SGCB: variants seen among roughly 807,000 people sequenced by gnomAD.
SGCB encodes sarcoglycan beta.
SGCB carries 25 observed loss-of-function variants against 27.3 expected under a neutral mutation model. The ratio of observed to expected loss-of-function variants is 0.92; its 90% CI spans 0.67 to 1.28. SGCB has a LOEUF of 1.28. SGCB is among the 50% of genes most tolerant of loss of function. SGCB has a pLI of 0.00. For missense variants in SGCB, 436 were observed against 402.1 expected, an observed-to-expected ratio of 1.08 and a Z score of -0.72; for synonymous variants, 147 against 133.5, an observed-to-expected ratio of 1.10 and a Z score of -0.70.
intron 1 of SGCB, among the ~76,000 whole-genome samples, chr4:52,037,702 T>C (rs1737432429): frequency 6.6e-6 from 1 of 152,224 alleles, no homozygotes; most frequent in South Asian, 2.1e-4. Flanking sequence ...GAGATAGTTT[T>C]AGACTGGTGA....
intron 2 of SGCB, among the ~76,000 whole-genome samples, chr4:52,032,944 C>T (rs1165279381): frequency 6.6e-6 from 1 of 152,202 alleles, no homozygotes; most frequent in African/African-American, 2.4e-5. Flanking sequence ...TTCTTGCATC[C>T]TTTGACAACG....
intron 3 of SGCB, 68 bp from the exon 4 acceptor site, chr4:52,028,989 A>G (rs367907504): frequency 1.4e-5 from 17 of 1,197,344 alleles, no homozygotes; most frequent in Middle Eastern, 2.5e-4. Context: ...CCTGAACAAT[A>G]TATTTTAAAA....
At chr4:52,032,651 C>T (rs969504120) in intron 2 of SGCB, among the ~76,000 whole-genome samples, 2 of 152,102 alleles carry the variant, frequency 1.3e-5, no homozygotes, top group Non-Finnish European at 2.9e-5. Flanking sequence ...GTGCTTTGGA[C>T]ATACATAAAT....
At chr4:52,029,580 A>G (rs2109371694) in intron 3 of SGCB, 98 bp downstream of exon 3, 1 of 746,068 alleles carries the variant, frequency 1.3e-6, no homozygotes, top group Admixed American at 2.0e-5. Context: ...TTCTAAGGGA[A>G]AATATCTCTT....
intron 1 of SGCB, among the ~76,000 whole-genome samples, chr4:52,034,498 C>T (rs1193140845): frequency 1.3e-5 from 2 of 151,200 alleles, no homozygotes; most frequent in African/African-American, 4.9e-5. Context: ...AAGTAATCTG[C>T]AGATGGATTT....
intron 4 of SGCB, 124 bp from the exon 5 acceptor site, chr4:52,028,223 T>C (rs1255870944): frequency 2.7e-6 from 2 of 743,450 alleles, no homozygotes; most frequent in East Asian, 5.4e-5. Context: ...ATTAATGTTT[T>C]AGAGATGTGG....
In SGCB at chr4:52,024,039, T is replaced by C; in HGVS notation, c.875A>G (p.Asp292Gly). Residue 292 changes from aspartate to glycine, a missense_variant, in exon 6 of 6, where the codon GAT (aspartate) becomes GGT (glycine). By Grantham distance (94) the Asp-to-Gly change is moderately conservative. Coordinates refer to ENST00000381431, the MANE Select transcript of SGCB (RefSeq NM_000232.5). ...TACTTGCACCTTGAAGAGCGTCCCA[T>C]CAGCACACATGCAGAGCTTGTAGCG... ...WVRYKLCMCA[D>G]GTLFKVQVTS... The C allele has an allele frequency of 6.2e-7, 1 of 1,614,178 alleles. No individual in the cohort carries two copies. The highest frequency in any genetic ancestry group is 8.5e-7 in the Non-Finnish European group (1 of 1,180,030).
chr4:52,028,665 T>C, intron 4 of SGCB, 65 bp downstream of exon 4: 1 of 1,251,476 alleles, frequency 8.0e-7, no homozygotes, highest in Non-Finnish European at 1.2e-6. Context: ...TATAACTCTC[T>C]TCCCACTTTA....
chr4:52,030,307 A>G (rs1229236886), intron 2 of SGCB, among the ~76,000 whole-genome samples: 2 of 152,008 alleles, frequency 1.3e-5, no homozygotes, highest in African/African-American at 4.8e-5. Flanking sequence ...TTAATTTTCT[A>G]TTTTAGCAGA....
chr4:52,028,206 T>A lies in SGCB; in HGVS notation c.622-107A>T, dbSNP rs1737153193. ...TCAGTCATGAGAGATGAAAGTCAAA[T>A]GTTTCTATTAATGTTTTAGAGATGT... is the stretch of plus-strand genomic sequence containing the variant. On this transcript the variant is annotated intron_variant, in intron 4 of 5. Transcript: ENST00000381431. 6 of 850,560 alleles carry A rather than the reference T, an allele frequency of 7.1e-6. No homozygotes were observed. The East Asian group carries it at 1.6e-4, about 22-fold the overall frequency. 52.7% of individuals were successfully genotyped at this position (850,560 alleles called of 1,614,324 possible). A position where few individuals can be genotyped will look rare whatever the true frequency, so the allele number is the denominator to read the frequency against.
chr4:52,035,235 T>C (rs1373993684), intron 1 of SGCB, among the ~76,000 whole-genome samples: 1 of 152,212 alleles, frequency 6.6e-6, no homozygotes, highest in African/African-American at 2.4e-5. Flanking sequence ...ATTCCATAGA[T>C]AGGAATACAA....
chr4:52,029,796 T>C lies in SGCB; in HGVS notation c.311A>G (p.Glu104Gly). The C allele has an allele frequency of 6.2e-7, 1 of 1,613,664 alleles. No homozygotes were observed. The highest frequency in any genetic ancestry group is 8.5e-7 in the Non-Finnish European group (1 of 1,179,678). ...TTGCTTAAATCGAAGCAGGCCACTT[T>C]CATGAAACTCCATACTATCACAGCC... ...PNGCDSMEFH[E>G]SGLLRFKQVS... Residue 104 changes from glutamate (E) to glycine (G), a missense_variant, in exon 3 of 6, where the codon GAA (glutamate) becomes GGA (glycine). Coordinates refer to ENST00000381431, the MANE Select transcript of SGCB (RefSeq NM_000232.5).
At chr4:52,025,201 T>G (rs918079565) in intron 5 of SGCB, among the ~76,000 whole-genome samples, 2 of 151,678 alleles carry the variant, frequency 1.3e-5, no homozygotes, top group Non-Finnish European at 2.9e-5. Flanking sequence ...TTTAATGGGG[T>G]AGGGGGAGAC....
Position 52,029,833 on chromosome 4 carries a change from T to G in SGCB, c.274A>C (p.Ile92Leu), listed in dbSNP as rs1737204640. Residue 92 changes from isoleucine (I) to leucine (L), a missense_variant, in exon 3 of 6, where the codon ATT becomes CTT. Ile to Leu is a conservative substitution (Grantham distance 5). Coordinates refer to ENST00000381431, the MANE Select transcript of SGCB (RefSeq NM_000232.5). ...ATACTATCACAGCCATTTGGTCCAA[T>G]GCGAATCACGGCCCAAATAACAAGT... is the stretch of plus-strand genomic sequence containing the variant. ...ITLVIWAVIRIGPNGCDSMEF... is the reference protein window; with the variant it reads ...ITLVIWAVIRLGPNGCDSMEF... The G allele has an allele frequency of 6.2e-7, 1 of 1,613,902 alleles. No homozygotes were observed. Among genetic ancestry groups the G allele is most frequent in the Non-Finnish European group, 8.5e-7 (1 of 1,179,860 alleles).
chr4:52,026,548 C>T (rs1217205813), intron 5 of SGCB, among the ~76,000 whole-genome samples: 2 of 151,964 alleles, frequency 1.3e-5, no homozygotes, highest in Admixed American at 6.6e-5. Flanking sequence ...TAAGTCATCG[C>T]GCCCGGCCTA....
rs759134929 is a variant in SGCB, at chr4:52,029,665, T to C, written c.429+13A>G. The C allele has an allele frequency of 1.6e-5, 25 of 1,585,502 alleles. 1 individual carries two copies. In the South Asian group the frequency reaches 2.2e-4, roughly 14 times the overall value. Reference sequence around the variant, plus strand: ...TCCTGTTTGCATTTCTTTCAGTTAATGTGGCAACTTACAGGCTGGTTGTTG... The same window carrying C: ...TCCTGTTTGCATTTCTTTCAGTTAACGTGGCAACTTACAGGCTGGTTGTTG... On this transcript the variant is annotated intron_variant, in intron 3 of 5. Coordinates refer to ENST00000381431, the MANE Select transcript of SGCB (RefSeq NM_000232.5).
intron 5 of SGCB, among the ~76,000 whole-genome samples, chr4:52,027,132 AATG>A (rs1304266250): frequency 1.3e-5 from 2 of 152,212 alleles, no homozygotes; most frequent in Non-Finnish European, 1.5e-5. Context: ...AATAAGAAAG[AATG>A]ATAAGTCCCT....
Position 52,024,025 on chromosome 4 carries a change from T to C in SGCB, c.889A>G (p.Lys297Glu), listed in dbSNP as rs1737020974. The C allele has an allele frequency of 1.2e-6, 2 of 1,614,086 alleles. No individual in the cohort carries two copies. The highest frequency in any genetic ancestry group is 1.7e-6 in the Non-Finnish European group (2 of 1,180,042). Reference protein sequence around the residue: ...LCMCADGTLFKVQVTSQNMGC... With the variant: ...LCMCADGTLFEVQVTSQNMGC... Reference sequence around the variant, plus strand: ...ATGTTCTGGCTGGTTACTTGCACCTTGAAGAGCGTCCCATCAGCACACATG... The same window carrying C: ...ATGTTCTGGCTGGTTACTTGCACCTCGAAGAGCGTCCCATCAGCACACATG... Residue 297 changes from lysine to glutamate, a missense_variant, in exon 6 of 6, where the codon AAG becomes GAG. Physicochemically the swap from Lys to Glu is moderately conservative, Grantham distance 56. Transcript: ENST00000381431.
At chr4:52,028,493 G>A (rs1008387893) in intron 4 of SGCB, among the ~76,000 whole-genome samples, 12 of 152,008 alleles carry the variant, frequency 7.9e-5, no homozygotes, top group Non-Finnish European at 1.5e-4. Flanking sequence ...AAACTTAGCC[G>A]GGCATGGTGG....
Sources: allele counts gnomAD v4.1 joint callset (sites outside exome capture counted in the v4.1 genomes callset), GRCh38; gene constraint gnomAD v4.1.1; transcripts MANE v1.5; gene names NCBI Gene and HGNC (gene_info 2026-07-23, HGNC 2026-07-21).